MRC1: variants seen among roughly 807,000 people sequenced by gnomAD.
MRC1 encodes mannose receptor C-type 1, also known as macrophage mannose receptor 1.
In MRC1, 62 loss-of-function variants were observed where a neutral mutation model predicts 102.9. The observed-to-expected ratio is 0.60, with a 90% CI of 0.49 to 0.74. The LOEUF is 0.74. Among genes scored for constraint, MRC1 ranks in the 30% least tolerant of loss-of-function variants. MRC1 has a pLI of 0.00. For synonymous variants in MRC1, 457 were observed against 298.4 expected, an observed-to-expected ratio of 1.53 and a Z score of -5.48; for missense variants, 1,237 against 862.8, an observed-to-expected ratio of 1.43 and a Z score of -5.43.
chr10:17,830,364 T>C (rs1838551317), intron 3 of MRC1, among the ~76,000 whole-genome samples: 1 of 151,310 alleles, frequency 6.6e-6, no homozygotes, highest in South Asian at 2.1e-4. Flanking sequence ...ACTCCTGACC[T>C]CAAATGATCC....
At chr10:17,875,334 G>A (rs1165516675) in intron 17 of MRC1, 81 bp downstream of exon 17, 1 of 761,228 alleles carries the variant, frequency 1.3e-6, no homozygotes, top group South Asian at 1.4e-5. Context: ...AAGTTCTTTA[G>A]TGGTGATTTC....
chr10:17,821,528 T>A (rs116171347), intron 1 of MRC1, among the ~76,000 whole-genome samples: 42,284 of 151,926 alleles, frequency 0.28, 5,995 homozygotes, highest in African/African-American at 0.29. Flanking sequence ...TGTTTTTTTT[T>A]AAAGATGAGA....
intron 1 of MRC1, among the ~76,000 whole-genome samples, chr10:17,820,616 T>C (rs935511507): frequency 7.9e-5 from 12 of 152,272 alleles, no homozygotes; most frequent in Non-Finnish European, 7.4e-5. Context: ...GTGGAAGATA[T>C]ATTTACTATT....
At chr10:17,827,847 C>A (rs1361623162) in intron 3 of MRC1, 132 bp downstream of exon 3, 4 of 692,256 alleles carry the variant, frequency 5.8e-6, no homozygotes, top group Non-Finnish European at 1.1e-5. Flanking sequence ...CCTACTACAG[C>A]CCTTTACAGA....
At chr10:17,881,209 T>A (rs1207447976) in intron 21 of MRC1, 28 bp downstream of exon 21, 4 of 777,232 alleles carry the variant, frequency 5.1e-6, no homozygotes, top group Non-Finnish European at 9.6e-6. Flanking sequence ...CAATTAGTTG[T>A]GTGTTTAAAT....
At chr10:17,891,011 G>A (rs1408836269) in intron 22 of MRC1, among the ~76,000 whole-genome samples, 1 of 151,678 alleles carries the variant, frequency 6.6e-6, no homozygotes, top group Non-Finnish European at 1.5e-5. Context: ...CTCCTTATGA[G>A]AATTTAATGT....
chr10:17,877,614 C>T (rs1833454904), intron 17 of MRC1, among the ~76,000 whole-genome samples: 1 of 152,034 alleles, frequency 6.6e-6, no homozygotes, highest in African/African-American at 2.4e-5. Context: ...TAAATGCCTA[C>T]AGTAGTTACA....
intron 11 of MRC1, among the ~76,000 whole-genome samples, chr10:17,864,123 C>T (rs1464762494): frequency 6.6e-6 from 1 of 152,126 alleles, no homozygotes; most frequent in African/African-American, 2.4e-5. Flanking sequence ...GTGCCTCAGC[C>T]TCCTGAGTAG....
intron 24 of MRC1, among the ~76,000 whole-genome samples, chr10:17,900,551 A>T (rs1269073039): frequency 6.6e-6 from 1 of 152,164 alleles, no homozygotes; most frequent in Non-Finnish European, 1.5e-5. Flanking sequence ...TGTTTTTTGA[A>T]ATAACTTCCA....
In MRC1 at chr10:17,892,308, G is replaced by T. The variant is rs1833690538; in HGVS notation, c.3148-1902G>T. 2.0e-5 allele frequency among the ~76,000 whole-genome samples: 3 copies of T among 152,262 alleles called. No individual in the cohort carries two copies. In the South Asian group the frequency reaches 6.2e-4, roughly 32 times the overall value. ...CTCCCCATGCACTCCTCTGCCAACAGTTTTTAATTTTCAAACTTGTCCACA... is the reference window on the plus strand; with the variant it reads ...CTCCCCATGCACTCCTCTGCCAACATTTTTTAATTTTCAAACTTGTCCACA... On this transcript the variant is annotated intron_variant, in intron 22 of 29. Transcript: ENST00000569591.
intron 23 of MRC1, among the ~76,000 whole-genome samples, chr10:17,896,730 A>G (rs1376396884): frequency 6.6e-6 from 1 of 152,186 alleles, no homozygotes; most frequent in Non-Finnish European, 1.5e-5. Context: ...CAGGAGTTCA[A>G]GATCAGCCTG....
At chr10:17,907,994 C>T (rs971581277) in intron 28 of MRC1, among the ~76,000 whole-genome samples, 1 of 152,160 alleles carries the variant, frequency 6.6e-6, no homozygotes, top group Non-Finnish European at 1.5e-5. Flanking sequence ...TCTACAAAGC[C>T]TTATTGCATG....
At position 17,881,314 on chromosome 10, in the gene MRC1, T is replaced by C. The variant is rs892230838; in HGVS notation, c.2980+133T>C. Reference sequence around the variant, plus strand: ...AGCTAAAAAAGTGGAAAAAATCAAATGCTTATTGAAAACTATTTTATTCCA... The same window carrying C: ...AGCTAAAAAAGTGGAAAAAATCAAACGCTTATTGAAAACTATTTTATTCCA... On this transcript the variant is annotated intron_variant, in intron 21 of 29. Coordinates refer to ENST00000569591, the MANE Select transcript of MRC1 (RefSeq NM_002438.4). 22 of 680,172 alleles carry C rather than the reference T, an allele frequency of 3.2e-5. No individual in the cohort carries two copies. The African/African-American group carries it at 3.4e-4, about 11-fold the overall frequency. 42.1% of individuals were successfully genotyped at this position (680,172 alleles called of 1,614,324 possible).
At chr10:17,830,791 T>C (rs1554838988) in intron 3 of MRC1, among the ~76,000 whole-genome samples, 1 of 151,334 alleles carries the variant, frequency 6.6e-6, no homozygotes, top group Non-Finnish European at 1.5e-5. Flanking sequence ...GAAAGGTCAA[T>C]TGCATTTCCT....
intron 22 of MRC1, among the ~76,000 whole-genome samples, chr10:17,886,008 A>AGT (rs1833588273): frequency 2.6e-5 from 4 of 152,320 alleles, no homozygotes; most frequent in Admixed American, 2.6e-4. Context: ...GATTATAAAA[A>AGT]GTGTGAAGAA....
chr10:17,871,016 T>A (rs1001186937), intron 14 of MRC1, 81 bp downstream of exon 14: 1 of 810,346 alleles, frequency 1.2e-6, no homozygotes, highest in Non-Finnish European at 2.2e-6. Context: ...TAATGCAAAC[T>A]TTTAATAAGA....
At chr10:17,847,926 CTT>C (rs5783563) in intron 6 of MRC1, among the ~76,000 whole-genome samples, 1 of 147,388 alleles carries the variant, frequency 6.8e-6, no homozygotes. Context: ...TCTTTTTCTT[CTT>C]TTTTTTTTTG....
chr10:17,820,746 A>G (rs201465388), intron 1 of MRC1, among the ~76,000 whole-genome samples: 1 of 152,082 alleles, frequency 6.6e-6, no homozygotes, highest in African/African-American at 2.4e-5. Flanking sequence ...AGAGGCTAGT[A>G]TAGTGGAGTT....
rs915959545 is a variant in MRC1 at position 17,903,029 on chromosome 10, A to G, written c.3799+907A>G. On this transcript the variant is annotated intron_variant, in intron 26 of 29. Transcript: ENST00000569591. ...GTTTATCTAAAAGTCTATTTTATCT[A>G]ATATTTGTGTAGCCACTCCAGCTCT... Among the ~76,000 whole-genome samples the G allele has an allele frequency of 6.8e-3, 1,030 of 152,274 alleles. 3 individuals are homozygous for G. Among genetic ancestry groups the G allele is most frequent in the Non-Finnish European group, 0.012 (798 of 68,028 alleles).
Sources: allele counts gnomAD v4.1 joint callset (sites outside exome capture counted in the v4.1 genomes callset), GRCh38; gene constraint gnomAD v4.1.1; transcripts MANE v1.5; gene names NCBI Gene and HGNC (gene_info 2026-07-23, HGNC 2026-07-21).